The following ZNF521 variants were observed in gnomAD, a reference collection of about 807,000 sequenced individuals.
The protein encoded by ZNF521 is zinc finger protein 521.
Under a neutral mutation model 105.5 loss-of-function variants are expected in ZNF521, and 14 were observed. The ratio of observed to expected loss-of-function variants is 0.13; its 90% confidence interval spans 0.09 to 0.21. ZNF521 has a LOEUF of 0.21. ZNF521 is among the 10% of genes least tolerant of loss of function. The pLI is 1.00. For missense variants in ZNF521, 1,233 were observed against 1,629.7 expected (o/e 0.76, Z 4.19); for synonymous variants, 635 against 606.0 (o/e 1.05, Z -0.70).
intron 5 of ZNF521, among the ~76,000 whole-genome samples, chr18:25,170,324 T>C (rs2035425049): frequency 6.6e-6 from 1 of 152,068 alleles, no homozygotes; most frequent in South Asian, 2.1e-4. Context: ...GAGCATCTCA[T>C]TCCCTATTCT....
intron 5 of ZNF521, among the ~76,000 whole-genome samples, chr18:25,139,471 G>A (rs1190362029): frequency 6.6e-6 from 1 of 150,914 alleles, no homozygotes; most frequent in Non-Finnish European, 1.5e-5. Context: ...GTGCAGAAGA[G>A]CTGTCCCAGG....
intron 5 of ZNF521, among the ~76,000 whole-genome samples, chr18:25,111,997 G>A (rs1473491472): frequency 6.6e-6 from 1 of 152,158 alleles, no homozygotes; most frequent in Non-Finnish European, 1.5e-5. Context: ...TCCGTGGGAA[G>A]CTTCCCTAAA....
At chr18:25,318,302 G>T (rs62083941) in intron 3 of ZNF521, among the ~76,000 whole-genome samples, 12,892 of 152,140 alleles carry the variant, frequency 0.085, 685 homozygotes, top group Middle Eastern at 0.17. Flanking sequence ...TCAAAAACTG[G>T]TTACTTCTAG....
chr18:25,130,866 C>T (rs1161256430), intron 5 of ZNF521, among the ~76,000 whole-genome samples: 3 of 151,872 alleles, frequency 2.0e-5, no homozygotes, highest in Non-Finnish European at 1.5e-5. Flanking sequence ...TCACTGGAGC[C>T]CAGCAGTTTG....
intron 3 of ZNF521, among the ~76,000 whole-genome samples, chr18:25,295,420 A>G (rs1256356145): frequency 6.6e-6 from 1 of 152,192 alleles, no homozygotes; most frequent in Non-Finnish European, 1.5e-5. Flanking sequence ...CAGGATGACT[A>G]TAGTCAAAAA....
chr18:25,249,484 G>C (rs1180309986), intron 3 of ZNF521, among the ~76,000 whole-genome samples: 1 of 144,766 alleles, frequency 6.9e-6, no homozygotes, highest in African/African-American at 2.6e-5. Flanking sequence ...TTTTTTTTAA[G>C]ACAGTCTTGT....
intron 7 of ZNF521, among the ~76,000 whole-genome samples, chr18:25,088,369 C>T (rs2033671571): frequency 6.6e-6 from 1 of 151,934 alleles, no homozygotes; most frequent in Non-Finnish European, 1.5e-5. Flanking sequence ...CCGCCCGCCA[C>T]TGTGCCTGGC....
intron 2 of ZNF521, among the ~76,000 whole-genome samples, chr18:25,337,645 A>G (rs1913964603): frequency 6.6e-6 from 1 of 152,196 alleles, no homozygotes; most frequent in Non-Finnish European, 1.5e-5. Flanking sequence ...GGCACTCTCT[A>G]ACCCTGCTGC....
At chr18:25,268,085 T>C (rs914413599) in intron 3 of ZNF521, among the ~76,000 whole-genome samples, 1 of 152,146 alleles carries the variant, frequency 6.6e-6, no homozygotes, top group African/African-American at 2.4e-5. Flanking sequence ...GAGAAGAACA[T>C]AAATGAACTG....
At chr18:25,193,325 G>A (rs72874427) in intron 5 of ZNF521, among the ~76,000 whole-genome samples, 21,220 of 151,904 alleles carry the variant, frequency 0.14, 1,877 homozygotes, top group East Asian at 0.3. Context: ...TTAACATTGT[G>A]GTGAAAATAT....
intron 5 of ZNF521, among the ~76,000 whole-genome samples, chr18:25,123,092 A>G (rs558300422): frequency 1.3e-5 from 2 of 151,818 alleles, no homozygotes; most frequent in Admixed American, 6.6e-5. Flanking sequence ...TGGGGTTTGG[A>G]AGATTATTAC....
intron 5 of ZNF521, among the ~76,000 whole-genome samples, chr18:25,144,802 A>G (rs980059509): frequency 5.9e-5 from 9 of 152,250 alleles, no homozygotes; most frequent in African/African-American, 2.2e-4. Flanking sequence ...TTAACTGGAA[A>G]ACGCAGGAGG....
At chr18:25,212,541 ATATATATAT>A (rs2036209463) in intron 4 of ZNF521, among the ~76,000 whole-genome samples, 111 of 92,116 alleles carry the variant, frequency 1.2e-3, no homozygotes, top group African/African-American at 5.0e-3. Context: ...AAAAAAAAAT[ATATATATAT>A]ATATATATAT....
chr18:25,276,573 T>TTAGGGG (rs1285457050), intron 3 of ZNF521, among the ~76,000 whole-genome samples: 8 of 152,310 alleles, frequency 5.3e-5, no homozygotes, highest in African/African-American at 1.9e-4. Context: ...AAGGAAGTAC[T>TTAGGGG]TAGGGGTCCC....
At chr18:25,160,851 G>T (rs146479873) in intron 5 of ZNF521, among the ~76,000 whole-genome samples, 2 of 152,258 alleles carry the variant, frequency 1.3e-5, no homozygotes, top group East Asian at 3.9e-4. Flanking sequence ...TCTGTTAAGA[G>T]ATGCTAGAGT....
At chr18:25,247,187 G>C (rs1460873714) in intron 3 of ZNF521, among the ~76,000 whole-genome samples, 1 of 152,114 alleles carries the variant, frequency 6.6e-6, no homozygotes, top group East Asian at 1.9e-4. Context: ...ACTAATGAAT[G>C]GGAGAGGCAC....
intron 7 of ZNF521, among the ~76,000 whole-genome samples, chr18:25,067,908 G>GT (rs34030521): frequency 0.17 from 25,437 of 152,154 alleles, 2,262 homozygotes; most frequent in East Asian, 0.2. Context: ...TTGAATGGAA[G>GT]TTTTGTGAAA....
intron 5 of ZNF521, among the ~76,000 whole-genome samples, chr18:25,120,629 A>G (rs1410503559): frequency 6.6e-6 from 1 of 151,932 alleles, no homozygotes; most frequent in African/African-American, 2.4e-5. Context: ...AAACAAACAA[A>G]AAAACCTAGT....
intron 5 of ZNF521, among the ~76,000 whole-genome samples, chr18:25,174,330 G>C (rs377105474): frequency 2.6e-5 from 4 of 152,052 alleles, no homozygotes; most frequent in African/African-American, 9.7e-5. Context: ...CTGGTCAGGT[G>C]GTGATGGTGA....
Sources: allele counts gnomAD v4.1 joint callset (sites outside exome capture counted in the v4.1 genomes callset), GRCh38; gene constraint gnomAD v4.1.1; transcripts MANE v1.5; gene names NCBI Gene and HGNC (gene_info 2026-07-23, HGNC 2026-07-21).